Variants in CUL4B observed in about 807,000 individuals in gnomAD.
CUL4B encodes cullin 4B, also known as cullin-4B.
CUL4B carries 1 observed loss-of-function variant against 69.2 expected under a neutral mutation model. That is an observed-to-expected ratio of 0.01 (90% CI 0.01 to 0.07). The LOEUF (loss-of-function observed/expected upper bound fraction) is 0.07, where lower values mean the gene tolerates loss of function less well. CUL4B is among the 10% of genes least tolerant of loss of function. The pLI is 1.00. For synonymous variants in CUL4B, 237 were observed against 223.2 expected (o/e 1.06, Z -0.55); for missense variants, 328 against 638.8 (o/e 0.51, Z 5.24).
intron 14 of CUL4B, among the ~76,000 whole-genome samples, 192 bp from the exon 15 acceptor site, chrX:120,537,226 T>C (rs1343991814): frequency 8.9e-6 from 1 of 112,441 alleles, no homozygotes; most frequent in Non-Finnish European, 1.9e-5. Context: ...GAGGTTAACA[T>C]TTTGATACAA....
intron 3 of CUL4B, 62 bp from the exon 4 acceptor site, chrX:120,546,678 G>A: frequency 1.2e-6 from 1 of 814,089 alleles, no homozygotes; most frequent in South Asian, 2.2e-5. Context: ...CCATGTGACA[G>A]AGAGCATATT....
intron 2 of CUL4B, among the ~76,000 whole-genome samples, chrX:120,555,175 T>C (rs1320023735): frequency 8.9e-6 from 1 of 112,286 alleles, no homozygotes; most frequent in Non-Finnish European, 1.9e-5. Context: ...ATGCAAGCTC[T>C]ATGCTCTTGA....
intron 16 of CUL4B, among the ~76,000 whole-genome samples, chrX:120,535,519 A>G (rs1923601908): frequency 9.1e-6 from 1 of 109,347 alleles, no homozygotes; most frequent in African/African-American, 3.3e-5. Flanking sequence ...CCTGGCCAAC[A>G]TGGTGAAACC....
At chrX:120,574,630 T>C in exon 2 of CUL4B, 1 of 1,181,545 alleles carries the variant, frequency 8.5e-7, no homozygotes, top group South Asian at 1.8e-5. Context: ...GTCCTTTGGG[T>C]CTACGATAGA....
intron 17 of CUL4B, among the ~76,000 whole-genome samples, chrX:120,534,211 A>C (rs1157575042): frequency 9.5e-6 from 1 of 105,490 alleles, no homozygotes; most frequent in Non-Finnish European, 2.0e-5. Flanking sequence ...CTCTACAAAA[A>C]AAAATTTTAA....
chrX:120,572,319 G>A (rs1400668883), intron 2 of CUL4B, among the ~76,000 whole-genome samples: 2 of 108,653 alleles, frequency 1.8e-5, no homozygotes, highest in African/African-American at 3.4e-5. Context: ...TATAAAATTA[G>A]CCGGGTGTGG....
At chrX:120,558,262 A>G (rs985789375) in intron 1 of CUL4B, among the ~76,000 whole-genome samples, 1 of 111,962 alleles carries the variant, frequency 8.9e-6, no homozygotes, top group Non-Finnish European at 1.9e-5. Flanking sequence ...TTAAAATTGA[A>G]GGTGAGGTTT....
At chrX:120,563,336 C>T (rs1324413837), upstream of CUL4B, among the ~76,000 whole-genome samples, 2 of 111,954 alleles carry the variant, frequency 1.8e-5, no homozygotes, top group East Asian at 2.8e-4. Flanking sequence ...CGGGTTCAAG[C>T]GATTCTTGTG....
At chrX:120,539,061 G>C (rs917954593) in intron 12 of CUL4B, among the ~76,000 whole-genome samples, 3 of 111,588 alleles carry the variant, frequency 2.7e-5, no homozygotes, top group Non-Finnish European at 5.6e-5. Flanking sequence ...ATTAAGCCAA[G>C]TAGCAAAAAT....
At chrX:120,574,134 A>G in intron 2 of CUL4B, among the ~76,000 whole-genome samples, 1 of 96,402 alleles carries the variant, frequency 1.0e-5, no homozygotes, top group Non-Finnish European at 2.1e-5. Context: ...AAGTGCTGAG[A>G]TTACAGGCGT....
chrX:120,552,438 G>A (rs188410911), intron 2 of CUL4B, among the ~76,000 whole-genome samples: 3 of 112,623 alleles, frequency 2.7e-5, no homozygotes, highest in South Asian at 3.6e-4. Context: ...GTCAGCCACC[G>A]CACCCAGCCT....
rs1487849989 is a variant in CUL4B at position 120,534,488 on chromosome X, A to T, written c.2259T>A (p.Thr753=). Residue 753 remains threonine, a synonymous_variant, in exon 17 of 20, where the codon ACT becomes ACA. Transcript: ENST00000371322. ...EFSLEEIKQA[T]GIEDGELRRT... ...TTAATGTTTGCTACAAACCTATTCC[A>T]GTTGCCTGCTTGATCTCTTCTAAAC... 2 of 1,183,969 alleles carry T rather than the reference A, an allele frequency of 1.7e-6. No homozygotes were observed. The highest frequency in any genetic ancestry group is 3.5e-5 in the South Asian group (2 of 56,401).
chrX:120,546,965 C>T (rs1924376912), intron 3 of CUL4B, among the ~76,000 whole-genome samples, 171 bp downstream of exon 3: 1 of 111,597 alleles, frequency 9.0e-6, no homozygotes, highest in Non-Finnish European at 1.9e-5. Context: ...GTCCTGGACA[C>T]GAATTAAGGC....
intron 13 of CUL4B, 94 bp downstream of exon 13, chrX:120,538,566 T>C: frequency 1.6e-6 from 1 of 621,303 alleles, no homozygotes; most frequent in Non-Finnish European, 2.7e-6. Context: ...TACATAGACA[T>C]GAGTGACAAA....
At chrX:120,543,057 A>T (rs1416215572) in intron 8 of CUL4B, 24 bp from the exon 9 acceptor site, 2 of 1,062,709 alleles carry the variant, frequency 1.9e-6, no homozygotes, top group African/African-American at 3.7e-5. Flanking sequence ...AAAAAAGGTT[A>T]GTATTATTGA....
chrX:120,561,241 C>A, upstream of CUL4B: 1 of 508,589 alleles, frequency 2.0e-6, no homozygotes, highest in Non-Finnish European at 3.5e-6. Context: ...GACGCTCGCG[C>A]TAGTTCGCTC....
At chrX:120,547,017 A>G (rs1924379878) in intron 3 of CUL4B, 119 bp downstream of exon 3, 1 of 508,971 alleles carries the variant, frequency 2.0e-6, no homozygotes, top group Non-Finnish European at 3.5e-6. Flanking sequence ...AACACAAGGC[A>G]CAAAAAATGA....
chrX:120,538,016 T>C (rs765465776), intron 14 of CUL4B, 108 bp downstream of exon 14: 35 of 571,448 alleles, frequency 6.1e-5, no homozygotes, highest in Non-Finnish European at 9.7e-5. Flanking sequence ...TCAGTTGCCA[T>C]GAATTACAAC....
chrX:120,535,704 CA>C (rs71820203), intron 16 of CUL4B, 125 bp downstream of exon 16: 13,917 of 168,328 alleles, frequency 0.083, 20 homozygotes, highest in African/African-American at 0.21. Context: ...GACTCTGTCT[CA>C]AAAAAAAAAA....
Sources: allele counts gnomAD v4.1 joint callset (sites outside exome capture counted in the v4.1 genomes callset), GRCh38; gene constraint gnomAD v4.1.1; transcripts MANE v1.5; gene names NCBI Gene and HGNC (gene_info 2026-07-23, HGNC 2026-07-21).